DACH2: variants seen among roughly 807,000 people sequenced by gnomAD.
DACH2 encodes the protein dachshund family transcription factor 2, also known as dachshund homolog 2.
In DACH2, 17 loss-of-function variants were observed where a neutral mutation model predicts 35.8. That is an observed-to-expected ratio of 0.48 (90% confidence interval 0.33 to 0.71). The LOEUF is 0.71. Among genes scored for constraint, DACH2 ranks in the 30% least tolerant of loss-of-function variants. The pLI is 0.02. For synonymous variants in DACH2, 195 were observed against 177.3 expected, an observed-to-expected ratio of 1.10 and a Z score of -0.79; for missense variants, 469 against 472.7, an observed-to-expected ratio of 0.99 and a Z score of 0.07.
intron 3 of DACH2, among the ~76,000 whole-genome samples, chrX:86,621,830 G>A (rs2040072292): frequency 8.9e-6 from 1 of 112,038 alleles, no homozygotes; most frequent in Non-Finnish European, 1.9e-5. Context: ...GCTCTGTCCA[G>A]TGATGACCTA....
In DACH2 at chrX:86,161,567, G is replaced by A. The variant is rs189141765; in HGVS notation, c.488+12459G>A. Among the ~76,000 whole-genome samples the A allele has an allele frequency of 3.6e-5, 4 of 112,177 alleles. No homozygotes were observed. In the East Asian group the frequency reaches 1.1e-3, roughly 31 times the overall value. ...TAACTCTAAATCAGATTTTTGTGAAGCGTTTCTACTCTGTGAAGAGAATAA... is the reference window on the plus strand; with the variant it reads ...TAACTCTAAATCAGATTTTTGTGAAACGTTTCTACTCTGTGAAGAGAATAA... On this transcript the variant is annotated intron_variant, in intron 1 of 11. Coordinates refer to ENST00000373125, the MANE Select transcript of DACH2 (RefSeq NM_053281.3).
At chrX:86,791,067 A>G (rs1046434871) in intron 7 of DACH2, among the ~76,000 whole-genome samples, 1 of 111,802 alleles carries the variant, frequency 8.9e-6, no homozygotes, top group African/African-American at 3.2e-5. Flanking sequence ...GTATATAATC[A>G]TAAAGGTCTT....
chrX:86,286,229 G>A (rs748478265), intron 1 of DACH2, among the ~76,000 whole-genome samples: 5 of 92,891 alleles, frequency 5.4e-5, no homozygotes, highest in South Asian at 1.3e-3. Flanking sequence ...CCGGGTTCAC[G>A]CCATTCTCCT....
chrX:86,436,907 C>A (rs1011352598), intron 2 of DACH2, among the ~76,000 whole-genome samples: 3 of 111,312 alleles, frequency 2.7e-5, no homozygotes, highest in Admixed American at 1.9e-4. Context: ...TGTAAGTTAT[C>A]AAATTGTGAG....
At chrX:86,372,325 A>T (rs180963421) in intron 1 of DACH2, among the ~76,000 whole-genome samples, 18 of 111,108 alleles carry the variant, frequency 1.6e-4, no homozygotes, top group Middle Eastern at 4.6e-3. Flanking sequence ...ACCTTCAGTC[A>T]ATACCTTACA....
chrX:86,403,589 G>T (rs1381388952), intron 2 of DACH2, among the ~76,000 whole-genome samples: 1 of 112,084 alleles, frequency 8.9e-6, no homozygotes, highest in African/African-American at 3.2e-5. Context: ...CTTATGCACT[G>T]TGGGAATGTA....
intron 3 of DACH2, among the ~76,000 whole-genome samples, chrX:86,599,486 C>CT (rs1408939317): frequency 1.1e-5 from 1 of 87,318 alleles, no homozygotes; most frequent in African/African-American, 4.3e-5. Flanking sequence ...TTCTTTCTTT[C>CT]TTTCTTTCTT....
In DACH2 at chrX:86,565,815, A is replaced by G. The variant is rs747916740; in HGVS notation, c.640+51424A>G. On this transcript the variant is annotated intron_variant, in intron 3 of 11. Transcript: ENST00000373125. Reference sequence around the variant, plus strand: ...GGAAAAGTCAAGAATCTAAATTATTATCAATATTTCAAGTCCTTCTGTACA... The same window carrying G: ...GGAAAAGTCAAGAATCTAAATTATTGTCAATATTTCAAGTCCTTCTGTACA... 1.3e-4 allele frequency among the ~76,000 whole-genome samples: 15 copies of G among 111,547 alleles called. No homozygotes were observed. In the South Asian group the frequency reaches 5.2e-3, roughly 39 times the overall value.
intron 1 of DACH2, among the ~76,000 whole-genome samples, chrX:86,339,718 G>C (rs2035381268): frequency 9.0e-6 from 1 of 111,538 alleles, no homozygotes; most frequent in African/African-American, 3.3e-5. Context: ...CTTAGGTTTG[G>C]TGCCTGTTTG....
intron 3 of DACH2, among the ~76,000 whole-genome samples, chrX:86,566,534 T>C (rs2039294519): frequency 9.0e-6 from 1 of 111,425 alleles, no homozygotes; most frequent in African/African-American, 3.3e-5. Flanking sequence ...TAAGCCTTAG[T>C]CGATTAAAAA....
intron 1 of DACH2, among the ~76,000 whole-genome samples, chrX:86,359,107 GTGTGTGTT>G (rs1173339108): frequency 2.9e-4 from 32 of 108,800 alleles, no homozygotes; most frequent in Admixed American, 7.0e-4. Context: ...GTGTGTGTGT[GTGTGTGTT>G]TGTGTGTGCA....
At chrX:86,794,792 A>G (rs1306230667) in intron 7 of DACH2, among the ~76,000 whole-genome samples, 1 of 111,757 alleles carries the variant, frequency 8.9e-6, no homozygotes, top group African/African-American at 3.2e-5. Flanking sequence ...AAACTTGAAT[A>G]CATATTGTAT....
intron 6 of DACH2, among the ~76,000 whole-genome samples, chrX:86,716,015 G>A (rs752946413): frequency 2.7e-5 from 3 of 111,615 alleles, no homozygotes; most frequent in Admixed American, 1.9e-4. Flanking sequence ...CATAACCTTT[G>A]TAAGAAAGGA....
intron 2 of DACH2, among the ~76,000 whole-genome samples, chrX:86,426,732 T>C (rs1056669642): frequency 1.8e-5 from 2 of 111,394 alleles, no homozygotes; most frequent in Non-Finnish European, 3.8e-5. Context: ...CTACACTCAT[T>C]CCTCAGTCTA....
At position 86,438,222 on chromosome X, in the gene DACH2, T is replaced by A. The variant is rs909950516; in HGVS notation, c.527+61360T>A. ...TGCAAAGGACATGATCTCGTAGGTTTTTTTTTTTTTTTTTTTTTGAGACAG... is the reference window on the plus strand; with the variant it reads ...TGCAAAGGACATGATCTCGTAGGTTATTTTTTTTTTTTTTTTTTGAGACAG... On this transcript the variant is annotated intron_variant, in intron 2 of 11. Coordinates refer to ENST00000373125, the MANE Select transcript of DACH2 (RefSeq NM_053281.3). Among the ~76,000 whole-genome samples the A allele has an allele frequency of 3.5e-3, 349 of 100,873 alleles. 2 individuals carry two copies. The highest frequency in any genetic ancestry group is 0.012 in the African/African-American group (331 of 26,982). The allele number at this position is 100,873 out of a possible 115,157, so 87.6% of individuals were successfully genotyped here.
chrX:86,701,454 G>A (rs536186204), intron 5 of DACH2, among the ~76,000 whole-genome samples: 2 of 111,447 alleles, frequency 1.8e-5, no homozygotes, highest in African/African-American at 6.5e-5. Flanking sequence ...CCAGCACAAG[G>A]CAAGGATGCC....
intron 2 of DACH2, among the ~76,000 whole-genome samples, chrX:86,390,387 G>T (rs1184581803): frequency 1.8e-5 from 2 of 111,026 alleles, no homozygotes; most frequent in Non-Finnish European, 3.8e-5. Context: ...GGGAGAGGGA[G>T]TGCAGGAAAC....
At chrX:86,266,174 C>G (rs967056058) in intron 1 of DACH2, among the ~76,000 whole-genome samples, 8 of 111,190 alleles carry the variant, frequency 7.2e-5, no homozygotes, top group African/African-American at 2.6e-4. Context: ...GGCCCCACCC[C>G]CTAAGTTTCT....
chrX:86,277,439 C>G (rs2033938644), intron 1 of DACH2, among the ~76,000 whole-genome samples: 1 of 111,987 alleles, frequency 8.9e-6, no homozygotes, highest in Non-Finnish European at 1.9e-5. Flanking sequence ...TGTTATACAT[C>G]ATTTTAATGG....
Sources: allele counts gnomAD v4.1 joint callset (sites outside exome capture counted in the v4.1 genomes callset), GRCh38; gene constraint gnomAD v4.1.1; transcripts MANE v1.5; gene names NCBI Gene and HGNC (gene_info 2026-07-23, HGNC 2026-07-21).